The following SCNN1G variants were observed in gnomAD, a reference collection of about 807,000 sequenced individuals.
SCNN1G encodes the protein sodium channel epithelial 1 subunit gamma.
In SCNN1G, 27 loss-of-function variants were observed where a neutral mutation model predicts 64.6. The observed-to-expected ratio is 0.42, with a 90% CI of 0.31 to 0.58. The LOEUF (loss-of-function observed/expected upper bound fraction) is 0.58, where lower values mean the gene tolerates loss of function less well. SCNN1G is among the 20% of genes least tolerant of loss of function. The pLI, the probability that SCNN1G is intolerant of heterozygous loss-of-function variation, is 0.18. For synonymous variants in SCNN1G, 330 were observed against 314.2 expected, an observed-to-expected ratio of 1.05 and a Z score of -0.53; for missense variants, 743 against 823.4, an observed-to-expected ratio of 0.90 and a Z score of 1.19.
intron 6 of SCNN1G, among the ~76,000 whole-genome samples, chr16:23,200,110 A>G (rs1168171296): frequency 1.3e-5 from 2 of 152,184 alleles, no homozygotes; most frequent in African/African-American, 4.8e-5. Flanking sequence ...TATCCTTCAC[A>G]AACATATCCT....
rs1356266432 is a variant in SCNN1G, at chr16:23,187,945, C to T, written c.317+1357C>T. Among the ~76,000 whole-genome samples the T allele has an allele frequency of 4.6e-5, 7 of 152,282 alleles. No homozygotes were observed. In the East Asian group the frequency reaches 1.2e-3, roughly 25 times the overall value. On this transcript the variant is annotated intron_variant, in intron 2 of 12. Coordinates refer to ENST00000300061, the MANE Select transcript of SCNN1G (RefSeq NM_001039.4). ...ATCGTCAGTGAGTTGGTGCAAAGCTCAAAATCAAGATCAAGTCTAAGACTC... is the reference window on the plus strand; with the variant it reads ...ATCGTCAGTGAGTTGGTGCAAAGCTTAAAATCAAGATCAAGTCTAAGACTC...
intron 1 of SCNN1G, among the ~76,000 whole-genome samples, chr16:23,185,513 G>A (rs977463822): frequency 6.6e-6 from 1 of 152,164 alleles, no homozygotes; most frequent in Admixed American, 6.5e-5. Flanking sequence ...TGGTATCTTA[G>A]AATCAAGGAA....
intron 6 of SCNN1G, among the ~76,000 whole-genome samples, chr16:23,200,894 C>G (rs945839621): frequency 6.6e-6 from 1 of 152,078 alleles, no homozygotes; most frequent in African/African-American, 2.4e-5. Context: ...TCATGGTGCC[C>G]CATGAAAAGG....
intron 11 of SCNN1G, among the ~76,000 whole-genome samples, chr16:23,213,371 G>A (rs1404424116): frequency 6.6e-6 from 1 of 150,612 alleles, no homozygotes; most frequent in South Asian, 2.1e-4. Flanking sequence ...TCCTGCCTCA[G>A]CCTCCTAAGT....
intron 6 of SCNN1G, among the ~76,000 whole-genome samples, chr16:23,202,895 G>A (rs1959915713): frequency 6.6e-6 from 1 of 152,192 alleles, no homozygotes; most frequent in African/African-American, 2.4e-5. Context: ...AATTTGTTAT[G>A]CCTTTGAGAA....
At chr16:23,185,176 C>G (rs542523669) in intron 1 of SCNN1G, among the ~76,000 whole-genome samples, 5 of 152,318 alleles carry the variant, frequency 3.3e-5, no homozygotes, top group African/African-American at 1.2e-4. Flanking sequence ...TTCAACCTCT[C>G]TGAGCCCATT....
intron 6 of SCNN1G, among the ~76,000 whole-genome samples, chr16:23,199,689 T>TTTTTTTTTTTC (rs1959856568): frequency 1.0e-5 from 1 of 96,984 alleles, no homozygotes; most frequent in Non-Finnish European, 2.1e-5. Flanking sequence ...TTTTTTTTTT[T>TTTTTTTTTTTC]GAGACAGAGT....
At chr16:23,186,886 A>G (rs1460168054) in intron 2 of SCNN1G, among the ~76,000 whole-genome samples, 1 of 151,540 alleles carries the variant, frequency 6.6e-6, no homozygotes, top group Non-Finnish European at 1.5e-5. Context: ...ATCTCGGCTC[A>G]CTGCAACCTC....
intron 3 of SCNN1G, 151 bp downstream of exon 3, chr16:23,189,822 A>G: frequency 1.1e-6 from 1 of 885,196 alleles, no homozygotes; most frequent in East Asian, 2.5e-5. Flanking sequence ...TTGTAATCCC[A>G]GCGCTTTGGG....
chr16:23,197,515 A>T (rs1470042802), intron 6 of SCNN1G, 88 bp downstream of exon 6: 2 of 1,225,900 alleles, frequency 1.6e-6, no homozygotes, highest in African/African-American at 3.0e-5. Flanking sequence ...CTTATGGAAA[A>T]GGGTGTTTGT....
chr16:23,212,796 G>A (rs754031854), intron 9 of SCNN1G, 40 bp downstream of exon 9: 19 of 1,613,824 alleles, frequency 1.2e-5, no homozygotes, highest in Non-Finnish European at 1.6e-5. Context: ...GGCTGGGTTG[G>A]GTTGGGCTGC....
chr16:23,206,214 T>C (rs919113240), intron 6 of SCNN1G, among the ~76,000 whole-genome samples: 1 of 152,164 alleles, frequency 6.6e-6, no homozygotes, highest in Non-Finnish European at 1.5e-5. Flanking sequence ...GAGTTACCAC[T>C]GAAATGTGAG....
chr16:23,186,194 C>G, intron 1 of SCNN1G, 34 bp from the exon 2 acceptor site: 1 of 1,436,718 alleles, frequency 7.0e-7, no homozygotes. Context: ...CTAGTGCCTG[C>G]CAGCTCACCT....
At chr16:23,192,096 C>T (rs527735657) in intron 3 of SCNN1G, among the ~76,000 whole-genome samples, 3 of 152,278 alleles carry the variant, frequency 2.0e-5, no homozygotes, top group African/African-American at 7.2e-5. Flanking sequence ...TTTGCTTCTT[C>T]CTTGGTGGGC....
chr16:23,213,220 C>T, intron 11 of SCNN1G, 57 bp downstream of exon 11: 2 of 1,206,328 alleles, frequency 1.7e-6, no homozygotes, highest in Non-Finnish European at 2.5e-6. Flanking sequence ...CCAGCCTTCT[C>T]ACTTGCTTCT....
Position 23,209,800 on chromosome 16 carries a change from G to C in SCNN1G, c.1128G>C (p.Gly376=). ...SEPYSQCTED[G]SDVPIRNIYN... is the part of the protein sequence containing the mutation. The stretch of plus-strand genomic sequence containing the variant: ...CCTACAGTCAGTGCACGGAGGACGG[G>C]AGTGACGTGCCAATCAGGAACATCT... The change falls in exon 7 of 13, where the codon GGG becomes GGC. Residue 376 remains glycine, a synonymous_variant. Transcript: ENST00000300061. The C allele has an allele frequency of 6.2e-7, 1 of 1,614,162 alleles. No homozygotes were observed. The highest frequency in any genetic ancestry group is 1.7e-5 in the Admixed American group (1 of 60,018).
In SCNN1G at chr16:23,214,764, A is replaced by C. The variant is rs899740797; in HGVS notation, c.1546A>C (p.Ile516Leu). 4 of 1,613,968 alleles carry C rather than the reference A, an allele frequency of 2.5e-6. No individual in the cohort carries two copies. Among genetic ancestry groups the C allele is most frequent in the Admixed American group, 3.3e-5 (2 of 60,010 alleles). Residue 516 changes from isoleucine (I) to leucine (L), a missense_variant, in exon 12 of 13, where the codon ATC becomes CTC. Ile to Leu is a conservative substitution (Grantham distance 5). Transcript: ENST00000300061. ...CTACAAAGACCTGAACCAGAGATCCATCATGGAGAGCCCAGCCAACAGTGT... is the reference window on the plus strand; with the variant it reads ...CTACAAAGACCTGAACCAGAGATCCCTCATGGAGAGCCCAGCCAACAGTGT... ...IFYKDLNQRS[I>L]MESPANSIEM...
At chr16:23,197,163 TG>T in intron 5 of SCNN1G, 100 bp from the exon 6 acceptor site, 1 of 942,560 alleles carries the variant, frequency 1.1e-6, no homozygotes, top group Non-Finnish European at 1.7e-6. Context: ...TAGAAATACC[TG>T]GTCTTGGGTT....
intron 2 of SCNN1G, among the ~76,000 whole-genome samples, chr16:23,187,396 AC>A (rs1959631044): frequency 6.6e-6 from 1 of 152,108 alleles, no homozygotes; most frequent in African/African-American, 2.4e-5. Flanking sequence ...GGAGTGAACC[AC>A]CACACCCACT....
Sources: allele counts gnomAD v4.1 joint callset (sites outside exome capture counted in the v4.1 genomes callset), GRCh38; gene constraint gnomAD v4.1.1; transcripts MANE v1.5; gene names NCBI Gene and HGNC (gene_info 2026-07-23, HGNC 2026-07-21).